Variants in WWOX observed in about 807,000 individuals in gnomAD.
WWOX encodes WW domain containing oxidoreductase, also known as WW domain-containing oxidoreductase.
WWOX carries 69 observed loss-of-function variants against 46.2 expected under a neutral mutation model. The observed-to-expected ratio is 1.49, with a 90% confidence interval of 1.23 to 1.82. WWOX has a LOEUF of 1.82. WWOX is among the 40% of genes most tolerant of loss of function. The pLI, the probability that WWOX is intolerant of heterozygous loss-of-function variation, is 0.00. For synonymous variants in WWOX, 359 were observed against 202.6 expected, an observed-to-expected ratio of 1.77 and a Z score of -6.56; for missense variants, 919 against 542.6, an observed-to-expected ratio of 1.69 and a Z score of -6.89.
chr16:78,273,562 G>A (rs1460576397), intron 5 of WWOX, among the ~76,000 whole-genome samples: 3 of 152,168 alleles, frequency 2.0e-5, no homozygotes, highest in Non-Finnish European at 2.9e-5. Context: ...TCAGAAGACC[G>A]TTCTGGCAGC....
chr16:78,362,086 C>A, intron 5 of WWOX, among the ~76,000 whole-genome samples: 1 of 147,588 alleles, frequency 6.8e-6, no homozygotes, highest in African/African-American at 2.5e-5. Flanking sequence ...TTTTTTTCTT[C>A]TCACTACATT....
At chr16:78,898,326 G>A (rs920972334) in intron 8 of WWOX, 3 of 152,106 alleles carry the variant, frequency 2.0e-5, no homozygotes, top group Non-Finnish European at 2.9e-5. Context: ...TATATGGTGT[G>A]AGGTAATGGT....
intron 5 of WWOX, among the ~76,000 whole-genome samples, chr16:78,272,148 T>A (rs1057255611): frequency 8.5e-5 from 13 of 152,222 alleles, no homozygotes; most frequent in Non-Finnish European, 1.8e-4. Flanking sequence ...TTTCTGTAAG[T>A]TGGGGCTCAG....
chr16:78,728,055 C>CTTCCTTTTTTT (rs1555524549), intron 8 of WWOX, among the ~76,000 whole-genome samples: 2 of 86,806 alleles, frequency 2.3e-5, no homozygotes, highest in Non-Finnish European at 4.3e-5. Flanking sequence ...TCCCTCCTTC[C>CTTCCTTTTTTT]TTTTTTTTTT....
chr16:78,466,881 T>C (rs1386718440), intron 8 of WWOX, among the ~76,000 whole-genome samples: 1 of 152,074 alleles, frequency 6.6e-6, no homozygotes, highest in Non-Finnish European at 1.5e-5. Flanking sequence ...TTTTCTTCCA[T>C]CTGTATCACA....
chr16:78,582,105 T>C (rs575191806), intron 8 of WWOX, among the ~76,000 whole-genome samples: 1 of 152,328 alleles, frequency 6.6e-6, no homozygotes, highest in African/African-American at 2.4e-5. Flanking sequence ...TGCTCTATAA[T>C]CGGCACTCAT....
intron 8 of WWOX, among the ~76,000 whole-genome samples, chr16:78,532,419 C>T (rs1034919516): frequency 1.3e-5 from 2 of 152,052 alleles, no homozygotes; most frequent in African/African-American, 2.4e-5. Context: ...TAAGTTCCTG[C>T]CTAGGCTCTC....
intron 8 of WWOX, among the ~76,000 whole-genome samples, chr16:78,979,434 C>T (rs8063364): frequency 0.036 from 5,542 of 152,236 alleles, 126 homozygotes; most frequent in Non-Finnish European, 0.055. Flanking sequence ...GGAATACGTA[C>T]GTGACAGGCT....
intron 8 of WWOX, among the ~76,000 whole-genome samples, chr16:78,754,241 T>C (rs1224367582): frequency 1.3e-5 from 2 of 152,070 alleles, no homozygotes; most frequent in Non-Finnish European, 2.9e-5. Flanking sequence ...CTTCTCTTCC[T>C]GAGATTCTTG....
At chr16:79,058,016 G>A (rs994176083) in intron 8 of WWOX, among the ~76,000 whole-genome samples, 9 of 151,026 alleles carry the variant, frequency 6.0e-5, no homozygotes, top group East Asian at 3.9e-4. Flanking sequence ...TAGTGATTGC[G>A]AATCTCACTG....
intron 8 of WWOX, among the ~76,000 whole-genome samples, chr16:78,546,551 G>A (rs1167115692): frequency 6.6e-6 from 1 of 152,164 alleles, no homozygotes; most frequent in Non-Finnish European, 1.5e-5. Flanking sequence ...TGTTTATATT[G>A]TTTGTTGAAA....
chr16:78,707,106 T>C (rs2048343032), intron 8 of WWOX, among the ~76,000 whole-genome samples: 3 of 152,216 alleles, frequency 2.0e-5, no homozygotes, highest in African/African-American at 2.4e-5. Context: ...ATCCAGGTTA[T>C]CACAGAGCCT....
At chr16:78,551,118 C>A (rs1477095496) in intron 8 of WWOX, 1 of 151,872 alleles carries the variant, frequency 6.6e-6, no homozygotes, top group African/African-American at 2.4e-5. Context: ...GAATATATTC[C>A]ATGAAACAGA....
chr16:78,555,168 TAAA>T (rs10635594), intron 8 of WWOX, among the ~76,000 whole-genome samples: 5,131 of 128,390 alleles, frequency 0.04, 171 homozygotes, highest in East Asian at 0.15. Context: ...TATGATTTTG[TAAA>T]AAAAAAAAAA....
At chr16:78,760,627 G>C (rs1279116456) in intron 8 of WWOX, among the ~76,000 whole-genome samples, 6 of 152,116 alleles carry the variant, frequency 3.9e-5, no homozygotes, top group African/African-American at 1.2e-4. Flanking sequence ...ACTTGCCCTT[G>C]TCTTTGGAGC....
chr16:78,351,099 C>A (rs369838374), intron 5 of WWOX, among the ~76,000 whole-genome samples: 2 of 152,184 alleles, frequency 1.3e-5, no homozygotes, highest in Admixed American at 6.5e-5. Flanking sequence ...TTTTTTTCAG[C>A]GGTTATCAGG....
At chr16:78,273,105 T>C (rs1329438483) in intron 5 of WWOX, among the ~76,000 whole-genome samples, 5 of 152,238 alleles carry the variant, frequency 3.3e-5, no homozygotes, top group African/African-American at 9.6e-5. Context: ...TTGTCAGAGA[T>C]AGAGTCTTTT....
intron 5 of WWOX, among the ~76,000 whole-genome samples, chr16:78,312,237 GATTTT>G (rs141674203): frequency 0.052 from 7,858 of 152,110 alleles, 327 homozygotes; most frequent in Admixed American, 0.13. Flanking sequence ...GCGTAGTCTC[GATTTT>G]ATTTTAATTT....
intron 8 of WWOX, among the ~76,000 whole-genome samples, chr16:78,749,495 A>C (rs925049005): frequency 6.6e-6 from 1 of 152,190 alleles, no homozygotes; most frequent in Non-Finnish European, 1.5e-5. Flanking sequence ...AATCATAATG[A>C]AGCATTTAAT....
Sources: allele counts gnomAD v4.1 joint callset (sites outside exome capture counted in the v4.1 genomes callset), GRCh38; gene constraint gnomAD v4.1.1; transcripts MANE v1.5; gene names NCBI Gene and HGNC (gene_info 2026-07-23, HGNC 2026-07-21).